The following CDH4 variants were observed in gnomAD, a reference collection of about 807,000 sequenced individuals.
CDH4 encodes the protein cadherin-4.
CDH4 carries 33 observed loss-of-function variants against 86.0 expected under a neutral mutation model. The ratio of observed to expected loss-of-function variants is 0.38; its 90% confidence interval spans 0.29 to 0.51. The LOEUF (loss-of-function observed/expected upper bound fraction) is 0.51. CDH4 is among the 20% of genes least tolerant of loss of function. The pLI is 0.86. For synonymous variants in CDH4, 555 were observed against 549.4 expected, an observed-to-expected ratio of 1.01 and a Z score of -0.14; for missense variants, 1,114 against 1,307.4, an observed-to-expected ratio of 0.85 and a Z score of 2.28.
chr20:61,849,104 A>G (rs369411722), intron 5 of CDH4, among the ~76,000 whole-genome samples: 3 of 151,564 alleles, frequency 2.0e-5, no homozygotes, highest in Admixed American at 1.3e-4. Context: ...CAGAAGGGAG[A>G]AGAAGCTGCA....
chr20:61,357,330 C>T (rs2084756208), intron 2 of CDH4, among the ~76,000 whole-genome samples: 1 of 152,176 alleles, frequency 6.6e-6, no homozygotes, highest in Non-Finnish European at 1.5e-5. Context: ...AGAGGAGGAC[C>T]GGCTGGTCCA....
chr20:61,861,867 G>T (rs770841191), intron 6 of CDH4, among the ~76,000 whole-genome samples: 4 of 152,192 alleles, frequency 2.6e-5, no homozygotes, highest in Non-Finnish European at 5.9e-5. Context: ...GGGTGCTGCG[G>T]AGGGCACCAG....
intron 2 of CDH4, among the ~76,000 whole-genome samples, chr20:61,589,852 T>TCAG (rs1371388695): frequency 6.7e-6 from 1 of 149,136 alleles, no homozygotes; most frequent in Non-Finnish European, 1.5e-5. Context: ...AAGACAAGGT[T>TCAG]CAGCCCCAGG....
rs559549145 is a variant in CDH4, at chr20:61,654,773, G to A, written c.170-88790G>A. 4.6e-5 allele frequency among the ~76,000 whole-genome samples: 7 copies of A among 152,302 alleles called. No homozygotes were observed. In the South Asian group the frequency reaches 8.4e-4, roughly 18 times the overall value. On this transcript the variant is annotated intron_variant, in intron 2 of 15. Transcript: ENST00000614565. ...GTCAGCTTTGCCCAGGATGGCCAGC[G>A]CCAGTGGCCGTTAAACCAGTGGGCA... is the stretch of plus-strand genomic sequence containing the variant.
At chr20:61,712,117 A>G (rs1448570104) in intron 2 of CDH4, among the ~76,000 whole-genome samples, 1 of 152,158 alleles carries the variant, frequency 6.6e-6, no homozygotes, top group Non-Finnish European at 1.5e-5. Flanking sequence ...AGGGTCTTCC[A>G]CGTGGATGAT....
At chr20:61,899,628 T>A (rs919145416) in intron 8 of CDH4, among the ~76,000 whole-genome samples, 1 of 152,106 alleles carries the variant, frequency 6.6e-6, no homozygotes, top group Non-Finnish European at 1.5e-5. Flanking sequence ...GGGGTTTCAC[T>A]GTGTTAGCCA....
At chr20:61,292,549 G>A (rs576763296) in intron 2 of CDH4, among the ~76,000 whole-genome samples, 4 of 152,318 alleles carry the variant, frequency 2.6e-5, no homozygotes, top group East Asian at 1.9e-4. Flanking sequence ...TGCTGTTGGC[G>A]TCCAGTGGAT....
At chr20:61,549,007 G>A (rs1021263922) in intron 2 of CDH4, among the ~76,000 whole-genome samples, 25 of 151,904 alleles carry the variant, frequency 1.6e-4, no homozygotes, top group South Asian at 4.2e-4. Flanking sequence ...GGTGGAAGCC[G>A]CCTTTGGGAC....
chr20:61,257,654 C>T (rs1043483378), intron 2 of CDH4, among the ~76,000 whole-genome samples: 10 of 152,228 alleles, frequency 6.6e-5, no homozygotes, highest in South Asian at 2.1e-4. Flanking sequence ...TAAAATAGGA[C>T]GGTGAAGCCG....
chr20:61,426,384 G>A (rs1324361651), intron 2 of CDH4, among the ~76,000 whole-genome samples: 2 of 152,198 alleles, frequency 1.3e-5, no homozygotes, highest in Admixed American at 6.5e-5. Context: ...CATAGGCACT[G>A]CATTCGGGTG....
intron 2 of CDH4, among the ~76,000 whole-genome samples, chr20:61,694,541 G>A (rs1032497831): frequency 3.3e-5 from 5 of 152,134 alleles, no homozygotes; most frequent in Admixed American, 6.5e-5. Flanking sequence ...ATGCTTTCTC[G>A]GATGGAGGCT....
rs150947858 is a variant in CDH4 at position 61,586,688 on chromosome 20, A to G, written c.170-156875A>G. On this transcript the variant is annotated intron_variant, in intron 2 of 15. Transcript: ENST00000614565. ...GTGACTTTACCAGGGTTGCTCAGCC[A>G]GTGAGTGGCAGAGCTGGTATCTAAA... Among the ~76,000 whole-genome samples, 1,068 of 152,322 alleles carry G rather than the reference A, an allele frequency of 7.0e-3. 14 individuals are homozygous for G. Among genetic ancestry groups the G allele is most frequent in the African/African-American group, 0.023 (955 of 41,576 alleles).
intron 2 of CDH4, among the ~76,000 whole-genome samples, chr20:61,618,346 C>T (rs1301245942): frequency 1.3e-5 from 2 of 152,124 alleles, no homozygotes; most frequent in African/African-American, 4.8e-5. Context: ...TCAGGTTTCT[C>T]TGGGGTCCCC....
chr20:61,483,302 G>T (rs1388579205), intron 2 of CDH4, among the ~76,000 whole-genome samples: 2 of 151,194 alleles, frequency 1.3e-5, no homozygotes, highest in African/African-American at 4.9e-5. Flanking sequence ...TCAACGTTCA[G>T]CTGGGCCCAG....
intron 2 of CDH4, among the ~76,000 whole-genome samples, chr20:61,661,084 C>CGGGGGGGGG (rs56367674): frequency 2.7e-5 from 2 of 74,866 alleles, no homozygotes; most frequent in South Asian, 4.3e-4. Context: ...GGAGGCATGG[C>CGGGGGGGGG]GGGGGGGGGG....
intron 3 of CDH4, among the ~76,000 whole-genome samples, chr20:61,757,004 T>C (rs1403724924): frequency 6.6e-6 from 1 of 152,196 alleles, no homozygotes; most frequent in Admixed American, 6.5e-5. Flanking sequence ...CTAGAATAAA[T>C]AAACAGCAAC....
intron 2 of CDH4, among the ~76,000 whole-genome samples, chr20:61,451,211 G>C (rs974901896): frequency 1.2e-4 from 18 of 150,502 alleles, no homozygotes; most frequent in African/African-American, 4.2e-4. Flanking sequence ...AGCTGTGCCT[G>C]GTGCTGCGGA....
At chr20:61,369,575 A>T (rs1360918345) in intron 2 of CDH4, among the ~76,000 whole-genome samples, 1 of 151,948 alleles carries the variant, frequency 6.6e-6, no homozygotes, top group Non-Finnish European at 1.5e-5. Context: ...ACGTAAGAAG[A>T]TGCCCATGTT....
intron 2 of CDH4, among the ~76,000 whole-genome samples, chr20:61,535,264 C>T (rs1232403556): frequency 1.3e-5 from 2 of 152,212 alleles, no homozygotes; most frequent in African/African-American, 4.8e-5. Flanking sequence ...GTAGTCTCGA[C>T]TGGTTCCCAG....
Sources: allele counts gnomAD v4.1 joint callset (sites outside exome capture counted in the v4.1 genomes callset), GRCh38; gene constraint gnomAD v4.1.1; transcripts MANE v1.5; gene names NCBI Gene and HGNC (gene_info 2026-07-23, HGNC 2026-07-21).